PTPRD: variants seen among roughly 807,000 people sequenced by gnomAD.
PTPRD encodes the protein receptor-type tyrosine-protein phosphatase delta.
A neutral mutation model predicts 214.5 loss-of-function variants in PTPRD; 34 were observed. The ratio of observed to expected loss-of-function variants is 0.16; its 90% CI spans 0.12 to 0.21. The LOEUF (loss-of-function observed/expected upper bound fraction) is 0.21. Among genes scored for constraint, PTPRD ranks in the 10% least tolerant of loss-of-function variants. PTPRD has a pLI of 1.00. For missense variants in PTPRD, 2,545 were observed against 2,398.7 expected (o/e 1.06, Z -1.27); for synonymous variants, 1,128 against 845.7 (o/e 1.33, Z -5.79).
At chr9:9,117,717 A>G (rs1443480579) in intron 10 of PTPRD, among the ~76,000 whole-genome samples, 1 of 152,174 alleles carries the variant, frequency 6.6e-6, no homozygotes. Flanking sequence ...AGGAAGCTTT[A>G]TTTTAATGTT....
chr9:9,497,618 A>C (rs2096248896), intron 8 of PTPRD, among the ~76,000 whole-genome samples: 3 of 152,164 alleles, frequency 2.0e-5, no homozygotes, highest in African/African-American at 7.2e-5. Flanking sequence ...CATGTCAACG[A>C]TCACCATCTG....
At chr9:9,013,322 G>T (rs2099519689) in intron 11 of PTPRD, among the ~76,000 whole-genome samples, 2 of 151,960 alleles carry the variant, frequency 1.3e-5, no homozygotes, top group African/African-American at 4.8e-5. Context: ...ATGCGCCATG[G>T]GAGTGCCCCC....
rs1281715374 is a variant in PTPRD, at chr9:8,557,431, A to AATATAT, written c.353-28653_353-28652insATATAT. ...CAAAACTCTTTATTTTTCATTTGTA[A>AATATAT]ATACATATATATATATATATATATA... On this transcript the variant is annotated intron_variant, in intron 14 of 45. Transcript: ENST00000381196. Among the ~76,000 whole-genome samples, 127 of 111,726 alleles carry AATATAT rather than the reference A, an allele frequency of 1.1e-3. 14 individuals carry two copies. The highest frequency in any genetic ancestry group is 9.6e-3 in the African/African-American group (124 of 12,976). The allele number at this position is 111,726 out of a possible 152,430, so 73.3% of individuals were successfully genotyped here. A position where few individuals can be genotyped will look rare whatever the true frequency, so the allele number is the denominator to read the frequency against.
intron 35 of PTPRD, among the ~76,000 whole-genome samples, chr9:8,427,800 C>T (rs1048140052): frequency 6.6e-6 from 1 of 151,998 alleles, no homozygotes; most frequent in Non-Finnish European, 1.5e-5. Context: ...ATTCTAACAT[C>T]TCTGAAATTG....
chr9:9,051,003 T>G (rs956676808), intron 10 of PTPRD, among the ~76,000 whole-genome samples: 1 of 152,184 alleles, frequency 6.6e-6, no homozygotes, highest in Non-Finnish European at 1.5e-5. Flanking sequence ...CAATTACGTA[T>G]AGTTAATTTG....
intron 7 of PTPRD, among the ~76,000 whole-genome samples, chr9:9,679,019 T>A (rs1284131823): frequency 1.3e-5 from 2 of 151,414 alleles, no homozygotes; most frequent in Non-Finnish European, 2.9e-5. Flanking sequence ...AAAAGAGGGT[T>A]AAATGCATAC....
intron 5 of PTPRD, among the ~76,000 whole-genome samples, chr9:9,917,549 A>G (rs28765206): frequency 0.033 from 4,935 of 151,748 alleles, 267 homozygotes; most frequent in African/African-American, 0.11. Flanking sequence ...AGCTATTCCA[A>G]AAAAATGAAG....
intron 3 of PTPRD, among the ~76,000 whole-genome samples, chr9:10,300,989 G>A (rs1404677669): frequency 1.3e-5 from 2 of 152,098 alleles, no homozygotes; most frequent in Non-Finnish European, 2.9e-5. Context: ...TCCCAGTAGG[G>A]GCTGACAGAC....
chr9:9,657,275 A>AT (rs1594439913), intron 7 of PTPRD, among the ~76,000 whole-genome samples: 1 of 150,594 alleles, frequency 6.6e-6, no homozygotes, highest in South Asian at 2.1e-4. Flanking sequence ...CTATGCAGCC[A>AT]TAAAAAAAAA....
intron 33 of PTPRD, among the ~76,000 whole-genome samples, chr9:8,460,002 T>C (rs571846707): frequency 6.6e-6 from 1 of 152,284 alleles, no homozygotes; most frequent in East Asian, 1.9e-4. Context: ...TTATGATATG[T>C]ATACAAATTG....
At chr9:9,570,494 G>C (rs2086027611) in intron 8 of PTPRD, among the ~76,000 whole-genome samples, 1 of 151,374 alleles carries the variant, frequency 6.6e-6, no homozygotes, top group Non-Finnish European at 1.5e-5. Flanking sequence ...CTTACATTCA[G>C]GGACACATGA....
At position 10,084,884 on chromosome 9, in the gene PTPRD, A is replaced by G. The variant is rs78759510; in HGVS notation, c.-544-51094T>C. Among the ~76,000 whole-genome samples, 345 of 152,024 alleles carry G rather than the reference A, an allele frequency of 2.3e-3. 2 individuals carry two copies. The highest frequency in any genetic ancestry group is 7.3e-3 in the African/African-American group (302 of 41,518). ...AACATAATACATAAATCTTACAGAA[A>G]CCCTAGCATACATAGAAGATCTCAA... On this transcript the variant is annotated intron_variant, in intron 3 of 45. Coordinates refer to ENST00000381196, the MANE Select transcript of PTPRD (RefSeq NM_002839.4).
intron 10 of PTPRD, among the ~76,000 whole-genome samples, chr9:9,155,007 G>T (rs2099880015): frequency 6.6e-6 from 1 of 152,120 alleles, no homozygotes; most frequent in Non-Finnish European, 1.5e-5. Context: ...CTTAAAGTCT[G>T]CTTTGTTAGA....
chr9:8,338,682 G>C (rs1849329709), intron 43 of PTPRD, among the ~76,000 whole-genome samples: 1 of 152,074 alleles, frequency 6.6e-6, no homozygotes, highest in African/African-American at 2.4e-5. Flanking sequence ...CATCCCCAAG[G>C]TTGAGCTGCC....
intron 3 of PTPRD, among the ~76,000 whole-genome samples, chr9:10,251,174 T>C (rs2092725888): frequency 6.6e-6 from 1 of 152,254 alleles, no homozygotes; most frequent in East Asian, 1.9e-4. Flanking sequence ...TTAAATAACA[T>C]GCTCAAAACA....
chr9:8,489,573 G>C (rs748286495), intron 27 of PTPRD, among the ~76,000 whole-genome samples: 1 of 152,210 alleles, frequency 6.6e-6, no homozygotes, highest in Non-Finnish European at 1.5e-5. Context: ...CACCTCAGGA[G>C]AGGCTGGCCA....
intron 12 of PTPRD, among the ~76,000 whole-genome samples, chr9:8,687,511 C>G (rs944930744): frequency 6.6e-6 from 1 of 152,180 alleles, no homozygotes; most frequent in East Asian, 1.9e-4. Context: ...ATATGCTCCT[C>G]CTAAGGTGCC....
chr9:10,130,428 T>A (rs533014051), intron 3 of PTPRD, among the ~76,000 whole-genome samples: 5 of 152,118 alleles, frequency 3.3e-5, no homozygotes, highest in Admixed American at 2.6e-4. Flanking sequence ...TGCCCTCTCT[T>A]TAGAGTGATA....
chr9:9,918,848 C>T (rs988670646), intron 5 of PTPRD, among the ~76,000 whole-genome samples: 4 of 152,052 alleles, frequency 2.6e-5, no homozygotes, highest in African/African-American at 4.8e-5. Flanking sequence ...TGGATAGCCA[C>T]CTGCAGAAGA....
Sources: gnomAD v4.1 joint callset for allele counts (sites outside exome capture counted in the v4.1 genomes callset) on GRCh38, gnomAD v4.1.1 for gene constraint, MANE v1.5 for transcripts, NCBI Gene and HGNC (gene_info 2026-07-23, HGNC 2026-07-21) for gene names.